ROR1: variants seen among roughly 807,000 people sequenced by gnomAD.
ROR1 encodes the protein inactive tyrosine-protein kinase transmembrane receptor ROR1.
Under a neutral mutation model 78.8 loss-of-function variants are expected in ROR1, and 19 were observed. The ratio of observed to expected loss-of-function variants is 0.24; its 90% CI spans 0.17 to 0.35. The LOEUF (loss-of-function observed/expected upper bound fraction) is 0.35, where lower values mean the gene tolerates loss of function less well. Ranked by LOEUF, ROR1 falls within the 10% of genes least tolerant of loss-of-function variation. ROR1 has a pLI of 1.00. For synonymous variants in ROR1, 386 were observed against 433.6 expected, an observed-to-expected ratio of 0.89 and a Z score of 1.36; for missense variants, 917 against 1,177.8, an observed-to-expected ratio of 0.78 and a Z score of 3.24.
rs190601537 is a variant in ROR1, at chr1:63,898,264, C to T, written c.92-111041C>T. Among the ~76,000 whole-genome samples, 170 of 152,068 alleles carry T rather than the reference C, an allele frequency of 1.1e-3. 3 individuals carry two copies. The highest frequency in any genetic ancestry group is 3.9e-3 in the African/African-American group (162 of 41,472). Reference sequence around the variant, plus strand: ...CTATATATTATTCAATTCTGTTATCCCTAGTTCCTAGTATAGTACAGCAGG... The same window carrying T: ...CTATATATTATTCAATTCTGTTATCTCTAGTTCCTAGTATAGTACAGCAGG... On this transcript the variant is annotated intron_variant, in intron 1 of 8. Coordinates refer to ENST00000371079, the MANE Select transcript of ROR1 (RefSeq NM_005012.4).
intron 1 of ROR1, among the ~76,000 whole-genome samples, chr1:63,871,319 G>T (rs573618822): frequency 2.0e-5 from 3 of 152,300 alleles, no homozygotes; most frequent in East Asian, 1.9e-4. Flanking sequence ...GGGGTCCTTT[G>T]TGTTGAAAAG....
chr1:64,102,909 C>T lies in ROR1; in HGVS notation c.483-34460C>T, dbSNP rs959783128. On this transcript the variant is annotated intron_variant, in intron 4 of 8. Coordinates refer to ENST00000371079, the MANE Select transcript of ROR1 (RefSeq NM_005012.4). ...ACCCCTTTCTCCCCAATTTCGACAA[C>T]CAAAAGTGTCTCCAGACAGCGCCAG... 5.9e-5 allele frequency among the ~76,000 whole-genome samples: 9 copies of T among 152,152 alleles called. 1 individual carries two copies. The highest frequency in any genetic ancestry group is 2.2e-4 in the African/African-American group (9 of 41,452).
intron 1 of ROR1, among the ~76,000 whole-genome samples, chr1:63,859,052 G>A (rs747897673): frequency 1.3e-5 from 2 of 152,170 alleles, no homozygotes; most frequent in South Asian, 4.1e-4. Context: ...TGCCCCTTCT[G>A]TTGTGTGTGT....
chr1:64,093,419 T>C (rs911285578), intron 4 of ROR1, among the ~76,000 whole-genome samples: 39 of 152,284 alleles, frequency 2.6e-4, no homozygotes, highest in African/African-American at 9.1e-4. Context: ...TTTTTCAAGA[T>C]GCTTTTTAAT....
chr1:63,830,770 A>G (rs1644982505), intron 1 of ROR1, among the ~76,000 whole-genome samples: 1 of 152,226 alleles, frequency 6.6e-6, no homozygotes, highest in African/African-American at 2.4e-5. Context: ...TCATTCCAGC[A>G]TTAACCCAAA....
intron 4 of ROR1, among the ~76,000 whole-genome samples, chr1:64,117,286 T>G (rs1387766213): frequency 2.0e-5 from 3 of 152,212 alleles, no homozygotes; most frequent in Non-Finnish European, 4.4e-5. Context: ...ATTTTCCTCA[T>G]CTTTGAAATA....
chr1:64,001,783 C>T (rs1646384919), intron 1 of ROR1, among the ~76,000 whole-genome samples: 1 of 152,126 alleles, frequency 6.6e-6, no homozygotes, highest in Non-Finnish European at 1.5e-5. Context: ...AGGGCTACAT[C>T]TTGGATTATT....
chr1:63,819,143 G>A (rs1010425974), intron 1 of ROR1, among the ~76,000 whole-genome samples: 8 of 152,102 alleles, frequency 5.3e-5, no homozygotes, highest in Admixed American at 5.2e-4. Flanking sequence ...GTCATAGAAA[G>A]TTTCTGTGGC....
chr1:64,131,823 T>A (rs1648922270), intron 4 of ROR1, among the ~76,000 whole-genome samples: 1 of 151,926 alleles, frequency 6.6e-6, no homozygotes, highest in Non-Finnish European at 1.5e-5. Flanking sequence ...TCTCACTATG[T>A]TGTCCGGGCT....
intron 1 of ROR1, among the ~76,000 whole-genome samples, chr1:63,981,567 A>C (rs1646210406): frequency 6.6e-6 from 1 of 152,108 alleles, no homozygotes. Flanking sequence ...TCTATTATAT[A>C]TCAGGACATG....
chr1:63,913,181 C>T (rs1645584661), intron 1 of ROR1, among the ~76,000 whole-genome samples: 1 of 152,026 alleles, frequency 6.6e-6, no homozygotes. Flanking sequence ...CTATCTCTAA[C>T]CAGATCTCAA....
chr1:64,060,874 C>A (rs550065018), intron 4 of ROR1, among the ~76,000 whole-genome samples: 1 of 152,270 alleles, frequency 6.6e-6, no homozygotes, highest in Non-Finnish European at 1.5e-5. Context: ...TACCAATCCA[C>A]CCCCATCACT....
chr1:64,072,071 G>A (rs11580998), intron 4 of ROR1, among the ~76,000 whole-genome samples: 13,251 of 152,198 alleles, frequency 0.087, 878 homozygotes, highest in East Asian at 0.24. Flanking sequence ...CACTGAATGA[G>A]CAACGGAAAA....
At chr1:63,871,870 T>A (rs1326197523) in intron 1 of ROR1, among the ~76,000 whole-genome samples, 1 of 152,188 alleles carries the variant, frequency 6.6e-6, no homozygotes, top group Non-Finnish European at 1.5e-5. Flanking sequence ...CTGGGCATAA[T>A]GTGTATTAAG....
chr1:64,017,012 G>T (rs1360428300), intron 2 of ROR1, among the ~76,000 whole-genome samples: 2 of 151,810 alleles, frequency 1.3e-5, no homozygotes, highest in Non-Finnish European at 2.9e-5. Context: ...CCATCTCTCA[G>T]TCTCAAGCAA....
intron 1 of ROR1, among the ~76,000 whole-genome samples, chr1:63,889,574 A>G (rs924188453): frequency 6.6e-6 from 1 of 151,608 alleles, no homozygotes; most frequent in Non-Finnish European, 1.5e-5. Context: ...CATGTTTCTG[A>G]GGGTGCCCCC....
intron 1 of ROR1, among the ~76,000 whole-genome samples, chr1:63,879,379 T>A (rs1192120316): frequency 5.3e-5 from 8 of 152,066 alleles, no homozygotes; most frequent in Non-Finnish European, 1.2e-4. Flanking sequence ...TGAGTTGAGA[T>A]GAGGTGGAGA....
chr1:64,017,008 C>T (rs955974394), intron 2 of ROR1, among the ~76,000 whole-genome samples: 17 of 152,068 alleles, frequency 1.1e-4, no homozygotes, highest in African/African-American at 4.1e-4. Context: ...GCCTCCATCT[C>T]TCAGTCTCAA....
chr1:64,175,096 T>A (rs1650343132), intron 8 of ROR1, among the ~76,000 whole-genome samples: 1 of 151,696 alleles, frequency 6.6e-6, no homozygotes, highest in Admixed American at 6.6e-5. Context: ...TTCACCTGGT[T>A]GAAAAATTTT....
Sources: gnomAD v4.1 joint callset for allele counts (sites outside exome capture counted in the v4.1 genomes callset) on GRCh38, gnomAD v4.1.1 for gene constraint, MANE v1.5 for transcripts, NCBI Gene and HGNC (gene_info 2026-07-23, HGNC 2026-07-21) for gene names.